Variants in PCCA observed in about 807,000 individuals in gnomAD.
PCCA encodes the protein propionyl-CoA carboxylase alpha chain, mitochondrial.
A neutral mutation model predicts 101.3 loss-of-function variants in PCCA; 74 were observed. The observed-to-expected ratio is 0.73, with a 90% CI of 0.61 to 0.89. The LOEUF (loss-of-function observed/expected upper bound fraction) is 0.89. Ranked by LOEUF, PCCA falls within the 40% of genes least tolerant of loss-of-function variation. The pLI, the probability that PCCA is intolerant of heterozygous loss-of-function variation, is 0.00. For synonymous variants in PCCA, 294 were observed against 313.6 expected, an observed-to-expected ratio of 0.94 and a Z score of 0.66; for missense variants, 891 against 907.0, an observed-to-expected ratio of 0.98 and a Z score of 0.23.
At chr13:100,122,545 G>C (rs191482196) in intron 4 of PCCA, among the ~76,000 whole-genome samples, 146 of 152,158 alleles carry the variant, frequency 9.6e-4, no homozygotes, top group African/African-American at 3.3e-3. Flanking sequence ...TCTTTAATCA[G>C]TGTCTGTAGT....
At chr13:100,259,559 T>A (rs947679677) in intron 9 of PCCA, among the ~76,000 whole-genome samples, 1 of 152,004 alleles carries the variant, frequency 6.6e-6, no homozygotes, top group Non-Finnish European at 1.5e-5. Flanking sequence ...GGTCTCGATC[T>A]CTTGACATCA....
At chr13:100,189,591 G>T (rs1172072140) in intron 6 of PCCA, among the ~76,000 whole-genome samples, 1 of 152,124 alleles carries the variant, frequency 6.6e-6, no homozygotes, top group East Asian at 1.9e-4. Context: ...AAGCTTTTTA[G>T]TTTAATTAAG....
At chr13:100,407,749 T>A (rs978164892) in intron 19 of PCCA, among the ~76,000 whole-genome samples, 1 of 152,198 alleles carries the variant, frequency 6.6e-6, no homozygotes, top group Non-Finnish European at 1.5e-5. Context: ...CCTTGTAACC[T>A]TTTGCTAAAA....
At chr13:100,477,144 G>A (rs73564380) in intron 21 of PCCA, among the ~76,000 whole-genome samples, 3,057 of 152,152 alleles carry the variant, frequency 0.02, 108 homozygotes, top group African/African-American at 0.07. Context: ...CCTCATTTAC[G>A]CTCTCTCGGC....
intron 16 of PCCA, among the ~76,000 whole-genome samples, chr13:100,322,633 C>T (rs1198419012): frequency 6.6e-6 from 1 of 151,484 alleles, no homozygotes; most frequent in Non-Finnish European, 1.5e-5. Context: ...TACAGTGATG[C>T]AGCCGTAGCT....
At chr13:100,107,882 A>C (rs1370501196) in intron 2 of PCCA, among the ~76,000 whole-genome samples, 1 of 152,172 alleles carries the variant, frequency 6.6e-6, no homozygotes, top group African/African-American at 2.4e-5. Context: ...AATGTCCTTA[A>C]CTGAATTTTG....
chr13:100,393,802 G>A (rs2076927730), intron 19 of PCCA, among the ~76,000 whole-genome samples: 1 of 152,088 alleles, frequency 6.6e-6, no homozygotes, highest in South Asian at 2.1e-4. Flanking sequence ...CTAATTCTTT[G>A]ATTAATTTTT....
intron 19 of PCCA, among the ~76,000 whole-genome samples, chr13:100,382,856 A>G (rs1256435857): frequency 6.6e-6 from 1 of 152,200 alleles, no homozygotes; most frequent in African/African-American, 2.4e-5. Context: ...AATTAAAATA[A>G]TGTAATAAAT....
chr13:100,384,593 CAT>C lies in PCCA; in HGVS notation c.1746+16020_1746+16021del, dbSNP rs376977096. 1.4e-3 allele frequency among the ~76,000 whole-genome samples: 216 copies of C among 152,198 alleles called. 6 individuals carry two copies. The South Asian group carries it at 0.031, about 22-fold the overall frequency. ...ATTTTTATAGGAACATGATAAGAAT[CAT>C]GTGGTTCTTTTAAAGAGTTAATTTT... On this transcript the variant is annotated intron_variant, in intron 19 of 23. Transcript: ENST00000376285.
intron 1 of PCCA, among the ~76,000 whole-genome samples, chr13:100,095,592 A>C (rs2046694205): frequency 6.6e-6 from 1 of 152,226 alleles, no homozygotes; most frequent in South Asian, 2.1e-4. Context: ...GCATTTGGAC[A>C]GGAAACTGAG....
chr13:100,144,779 A>G (rs2052332519), intron 4 of PCCA, among the ~76,000 whole-genome samples: 1 of 152,226 alleles, frequency 6.6e-6, no homozygotes, highest in South Asian at 2.1e-4. Flanking sequence ...ACAACAAACC[A>G]GAATTTTGAT....
chr13:100,365,309 T>C (rs1488543849), intron 18 of PCCA, among the ~76,000 whole-genome samples: 1 of 152,138 alleles, frequency 6.6e-6, no homozygotes, highest in African/African-American at 2.4e-5. Context: ...ATGAAACAGA[T>C]GTGAATCAAA....
chr13:100,354,001 T>A (rs564288209), intron 18 of PCCA, among the ~76,000 whole-genome samples: 1 of 150,928 alleles, frequency 6.6e-6, no homozygotes, highest in South Asian at 2.1e-4. Context: ...GGCTAACGCC[T>A]GTAATCCCAA....
chr13:100,151,016 C>T (rs760729933), intron 4 of PCCA: 37 of 1,546,568 alleles, frequency 2.4e-5, no homozygotes, highest in Non-Finnish European at 3.3e-5. Flanking sequence ...GTACTGCCAG[C>T]AGCGGACCCT....
At chr13:100,385,604 T>C (rs116555966) in intron 19 of PCCA, among the ~76,000 whole-genome samples, 2,091 of 152,302 alleles carry the variant, frequency 0.014, 49 homozygotes, top group African/African-American at 0.048. Context: ...AATGTGTTAA[T>C]TCCGTTTTGT....
chr13:100,459,218 A>G (rs2082010126), intron 21 of PCCA, among the ~76,000 whole-genome samples: 2 of 152,298 alleles, frequency 1.3e-5, no homozygotes, highest in South Asian at 4.1e-4. Context: ...GTGAAACCTC[A>G]TTTAACTCAT....
intron 11 of PCCA, among the ~76,000 whole-genome samples, chr13:100,272,809 A>C (rs1227802339): frequency 2.0e-5 from 3 of 152,206 alleles, no homozygotes; most frequent in Non-Finnish European, 4.4e-5. Flanking sequence ...TATGGACTAC[A>C]TGAGCAATGA....
At chr13:100,336,735 C>A (rs1318412094) in intron 17 of PCCA, among the ~76,000 whole-genome samples, 1 of 152,162 alleles carries the variant, frequency 6.6e-6, no homozygotes, top group African/African-American at 2.4e-5. Context: ...AGAGTTGCAG[C>A]TTTTTCCAGC....
intron 4 of PCCA, among the ~76,000 whole-genome samples, chr13:100,122,654 C>A (rs979823103): frequency 6.6e-6 from 1 of 152,012 alleles, no homozygotes; most frequent in South Asian, 2.1e-4. Flanking sequence ...GTAATGTCTC[C>A]TCTTTCATTC....
Sources: gnomAD v4.1 joint callset for allele counts (sites outside exome capture counted in the v4.1 genomes callset) on GRCh38, gnomAD v4.1.1 for gene constraint, MANE v1.5 for transcripts, NCBI Gene and HGNC (gene_info 2026-07-23, HGNC 2026-07-21) for gene names.